The following ZNF112 variants were observed in gnomAD, a reference collection of about 807,000 sequenced individuals.
The protein encoded by ZNF112 is zinc finger protein 112, also known as zinc finger protein 112 (Y14).
Under a neutral mutation model 77.7 loss-of-function variants are expected in ZNF112, and 37 were observed. That is an observed-to-expected ratio of 0.48 (90% CI 0.37 to 0.63). The LOEUF is 0.63. Among genes scored for constraint, ZNF112 ranks in the 20% least tolerant of loss-of-function variants. The pLI is 0.00. For synonymous variants in ZNF112, 333 were observed against 363.6 expected (o/e 0.92, Z 0.96); for missense variants, 950 against 1,077.4 (o/e 0.88, Z 1.66).
chr19:44,357,528 T>C (rs1021889938), upstream of ZNF112, among the ~76,000 whole-genome samples: 21 of 152,148 alleles, frequency 1.4e-4, no homozygotes, highest in African/African-American at 5.1e-4. Context: ...CCTACCATAA[T>C]GTGTTTGTTG....
intron 2 of ZNF112, among the ~76,000 whole-genome samples, chr19:44,337,687 T>C (rs915196073): frequency 2.0e-5 from 3 of 151,236 alleles, no homozygotes; most frequent in African/African-American, 7.3e-5. Flanking sequence ...AAAAAACGTA[T>C]AGTGTTACGT....
At chr19:44,362,728 T>C (rs1211889999) in intron 1 of ZNF112, among the ~76,000 whole-genome samples, 2 of 152,058 alleles carry the variant, frequency 1.3e-5, no homozygotes, top group Non-Finnish European at 2.9e-5. Context: ...AGGGCACACA[T>C]ATTAAAAAGA....
intron 1 of ZNF112, among the ~76,000 whole-genome samples, chr19:44,347,212 T>C (rs1423724316): frequency 6.6e-6 from 1 of 152,194 alleles, no homozygotes; most frequent in African/African-American, 2.4e-5. Context: ...GATATTAATA[T>C]AGCCACTCCG....
At chr19:44,355,741 C>T (rs1435294912) in intron 1 of ZNF112, among the ~76,000 whole-genome samples, 1 of 152,204 alleles carries the variant, frequency 6.6e-6, no homozygotes, top group Non-Finnish European at 1.5e-5. Context: ...ATGATCAGCA[C>T]TAAATGTTTA....
At chr19:44,343,872 G>A (rs77594835) in intron 1 of ZNF112, among the ~76,000 whole-genome samples, 2,012 of 152,270 alleles carry the variant, frequency 0.013, 19 homozygotes, top group Non-Finnish European at 0.017. Context: ...TTGCCCTGGC[G>A]AATGTATTTT....
intron 3 of ZNF112, among the ~76,000 whole-genome samples, chr19:44,332,106 A>C (rs547953280): frequency 8.5e-4 from 130 of 152,314 alleles, no homozygotes; most frequent in Non-Finnish European, 1.3e-3. Flanking sequence ...GAGCCCAGGC[A>C]TCTGAGGATG....
intron 1 of ZNF112, among the ~76,000 whole-genome samples, chr19:44,353,135 A>G (rs1341364154): frequency 6.6e-6 from 1 of 152,136 alleles, no homozygotes; most frequent in African/African-American, 2.4e-5. Context: ...AGAGATACAC[A>G]CATAGATCAA....
At chr19:44,360,351 C>A (rs1185957970), upstream of ZNF112, among the ~76,000 whole-genome samples, 1 of 150,588 alleles carries the variant, frequency 6.6e-6, no homozygotes, top group East Asian at 1.9e-4. Flanking sequence ...AAAATGTTGC[C>A]AATGATATAT....
chr19:44,364,121 G>A (rs1970880745), intron 1 of ZNF112, among the ~76,000 whole-genome samples: 1 of 152,100 alleles, frequency 6.6e-6, no homozygotes, highest in South Asian at 2.1e-4. Context: ...TGTTGGCCAG[G>A]CTGGTCTCGA....
rs1417154006 is a variant in ZNF112 at position 44,341,155 on chromosome 19, GA to G, written c.-3-614del. On this transcript the variant is annotated intron_variant, in intron 1 of 3. Transcript: ENST00000354340. ...AATGAGTGACCACATGTAAAGCATG[GA>G]AAACAGCACCTGGCACACAGTAAGT... 1.1e-5 allele frequency: 5 copies of G among 456,526 alleles called. No homozygotes were observed. In the Admixed American group the frequency reaches 1.2e-4, roughly 11 times the overall value. 28.3% of individuals were successfully genotyped at this position (456,526 alleles called of 1,614,324 possible). A position where few individuals can be genotyped will look rare whatever the true frequency, so the allele number is the denominator to read the frequency against.
chr19:44,336,768 A>G, intron 2 of ZNF112, 50 bp from the exon 3 acceptor site: 1 of 1,497,768 alleles, frequency 6.7e-7, no homozygotes, highest in East Asian at 2.3e-5. Flanking sequence ...ATGACATTCA[A>G]TTGGTCAAAA....
At chr19:44,364,072 G>C (rs571766376) in intron 1 of ZNF112, among the ~76,000 whole-genome samples, 15 of 152,230 alleles carry the variant, frequency 9.9e-5, no homozygotes, top group African/African-American at 3.6e-4. Flanking sequence ...ACCATGCCTG[G>C]CTAATTTTTG....
rs148367529 is a variant in ZNF112 at position 44,327,329 on chromosome 19, GA to G, written c.*103del. 0.05 allele frequency: 45,181 copies of G among 906,222 alleles called. 1,419 individuals are homozygous for G. Among genetic ancestry groups the G allele is most frequent in the African/African-American group, 0.087 (5,180 of 59,244 alleles). 56.1% of individuals were successfully genotyped at this position (906,222 alleles called of 1,614,324 possible). On this transcript the variant is annotated 3_prime_UTR_variant, in exon 4 of 4. Coordinates refer to ENST00000354340, the MANE Select transcript of ZNF112 (RefSeq NM_013380.4). Reference sequence around the variant, plus strand: ...TGTTGTGTGGTCTCCTGGCCATTATGAATGTTGAAGTTGGGCAGCAACATTA... The same window carrying G: ...TGTTGTGTGGTCTCCTGGCCATTATGATGTTGAAGTTGGGCAGCAACATTA...
intron 2 of ZNF112, among the ~76,000 whole-genome samples, chr19:44,337,599 T>A (rs1970405250): frequency 6.7e-6 from 1 of 149,228 alleles, no homozygotes; most frequent in Admixed American, 6.9e-5. Context: ...TATTGTCAAC[T>A]TCCCCTCCCT....
intron 1 of ZNF112, among the ~76,000 whole-genome samples, chr19:44,354,711 A>G (rs1047990423): frequency 6.6e-6 from 1 of 152,220 alleles, no homozygotes; most frequent in Non-Finnish European, 1.5e-5. Flanking sequence ...TGCTGGGCAC[A>G]TGGAGAAAAG....
intron 3 of ZNF112, among the ~76,000 whole-genome samples, chr19:44,330,495 G>A (rs1309571932): frequency 2.0e-5 from 3 of 152,162 alleles, no homozygotes; most frequent in Non-Finnish European, 4.4e-5. Flanking sequence ...TAGCACTTTG[G>A]GAGGCCAAGT....
chr19:44,365,373 T>C (rs2437026), intron 1 of ZNF112, among the ~76,000 whole-genome samples: 71,778 of 151,562 alleles, frequency 0.47, 19,201 homozygotes, highest in South Asian at 0.62. Context: ...GGTGGGAGGA[T>C]CAACTGAACC....
At chr19:44,340,057 T>TTC (rs758210447) in intron 2 of ZNF112, among the ~76,000 whole-genome samples, 1 of 151,784 alleles carries the variant, frequency 6.6e-6, no homozygotes, top group Non-Finnish European at 1.5e-5. Flanking sequence ...TCTTGTCCTT[T>TTC]TGTAAGTTTT....
intron 1 of ZNF112, chr19:44,343,150 C>A: frequency 7.9e-7 from 1 of 1,260,592 alleles, no homozygotes; most frequent in Non-Finnish European, 1.1e-6. Flanking sequence ...ATACTAAATG[C>A]CTGTTGTCAT....
Sources: gnomAD v4.1 joint callset for allele counts (sites outside exome capture counted in the v4.1 genomes callset) on GRCh38, gnomAD v4.1.1 for gene constraint, MANE v1.5 for transcripts, NCBI Gene and HGNC (gene_info 2026-07-23, HGNC 2026-07-21) for gene names.